RNF150: variants seen among roughly 807,000 people sequenced by gnomAD.
The protein encoded by RNF150 is ring finger protein 150.
RNF150 carries 24 observed loss-of-function variants against 39.3 expected under a neutral mutation model. The observed-to-expected ratio is 0.61, with a 90% CI of 0.44 to 0.86. The LOEUF (loss-of-function observed/expected upper bound fraction) is 0.86. RNF150 is among the 40% of genes least tolerant of loss of function. The pLI is 0.00. For missense variants in RNF150, 502 were observed against 587.8 expected, an observed-to-expected ratio of 0.85 and a Z score of 1.51; for synonymous variants, 255 against 227.3, an observed-to-expected ratio of 1.12 and a Z score of -1.10.
At chr4:140,884,888 G>T (rs1305271821) in intron 6 of RNF150, among the ~76,000 whole-genome samples, 1 of 152,124 alleles carries the variant, frequency 6.6e-6, no homozygotes, top group African/African-American at 2.4e-5. Flanking sequence ...TATACTAGAG[G>T]GGAGGGGCTC....
chr4:140,994,051 A>T (rs1734280993), intron 1 of RNF150, among the ~76,000 whole-genome samples: 1 of 152,210 alleles, frequency 6.6e-6, no homozygotes, highest in African/African-American at 2.4e-5. Context: ...AGCTTTCCAA[A>T]TAATTACCCA....
At chr4:141,019,072 A>G (rs1353291108) in intron 1 of RNF150, among the ~76,000 whole-genome samples, 1 of 137,844 alleles carries the variant, frequency 7.3e-6, no homozygotes, top group Non-Finnish European at 1.6e-5. Context: ...ATATATATAT[A>G]TATATATATG....
chr4:140,868,357 G>A lies in RNF150; in HGVS notation c.1221C>T (p.Ser407=). The A allele has an allele frequency of 6.2e-7, 1 of 1,612,016 alleles. No homozygotes were observed. The highest frequency in any genetic ancestry group is 8.5e-7 in the Non-Finnish European group (1 of 1,178,072). ...TTNSEQEPAV[S]SDSDISLIMA... Reference sequence around the variant, plus strand: ...TGATCAAGGAAATGTCAGAATCACTGCTTACAGCTGGCTCCTGCTCACCTG... The same window carrying A: ...TGATCAAGGAAATGTCAGAATCACTACTTACAGCTGGCTCCTGCTCACCTG... Residue 407 remains serine (S), a synonymous_variant, in exon 7 of 7, where the codon AGC becomes AGT. Coordinates refer to ENST00000515673, the MANE Select transcript of RNF150 (RefSeq NM_020724.2).
At chr4:141,042,570 C>T (rs1736412190) in intron 1 of RNF150, among the ~76,000 whole-genome samples, 1 of 151,896 alleles carries the variant, frequency 6.6e-6, no homozygotes, top group Non-Finnish European at 1.5e-5. Context: ...TCACTATGCC[C>T]CTAAACAAAC....
At chr4:141,154,870 A>G (rs1006333214) in intron 1 of RNF150, among the ~76,000 whole-genome samples, 5 of 152,192 alleles carry the variant, frequency 3.3e-5, no homozygotes, top group African/African-American at 1.2e-4. Flanking sequence ...CAGTAACCCT[A>G]AAGATGGGTA....
intron 1 of RNF150, among the ~76,000 whole-genome samples, chr4:141,042,011 A>T (rs9997052): frequency 0.57 from 87,177 of 151,756 alleles, 25,956 homozygotes; most frequent in Non-Finnish European, 0.67. Flanking sequence ...CACTGGGGCC[A>T]GTACTAGAAA....
intron 1 of RNF150, among the ~76,000 whole-genome samples, chr4:141,094,299 G>A (rs940762717): frequency 7.9e-5 from 12 of 152,316 alleles, no homozygotes; most frequent in Non-Finnish European, 7.3e-5. Flanking sequence ...GGAAGATATT[G>A]AAAGTAGCCA....
At chr4:140,912,978 A>AC (rs1723191557) in intron 5 of RNF150, among the ~76,000 whole-genome samples, 2 of 116,296 alleles carry the variant, frequency 1.7e-5, no homozygotes, top group African/African-American at 6.2e-5. Context: ...AAAAAAAAAA[A>AC]AAAAAACACC....
intron 1 of RNF150, among the ~76,000 whole-genome samples, chr4:141,117,007 G>C (rs1220849639): frequency 6.6e-6 from 1 of 152,036 alleles, no homozygotes; most frequent in African/African-American, 2.4e-5. Context: ...GGGGGGACTA[G>C]GGGAGGGGAG....
chr4:141,029,900 T>C (rs1203653498), intron 1 of RNF150, among the ~76,000 whole-genome samples: 3 of 152,058 alleles, frequency 2.0e-5, no homozygotes, highest in African/African-American at 4.8e-5. Context: ...CCAACATGCA[T>C]ATAAAGAGAT....
chr4:141,058,432 A>G (rs936354609), intron 1 of RNF150, among the ~76,000 whole-genome samples: 2 of 152,054 alleles, frequency 1.3e-5, no homozygotes, highest in Non-Finnish European at 2.9e-5. Context: ...GTACCCTTTG[A>G]TTTTTAGTCT....
At chr4:141,026,863 T>C (rs1426824800) in intron 1 of RNF150, among the ~76,000 whole-genome samples, 1 of 152,178 alleles carries the variant, frequency 6.6e-6, no homozygotes, top group Non-Finnish European at 1.5e-5. Flanking sequence ...TCTTTTAGGC[T>C]AAGAAGTTGC....
At chr4:140,941,065 AAAG>A (rs1427639943) in intron 4 of RNF150, among the ~76,000 whole-genome samples, 3 of 152,216 alleles carry the variant, frequency 2.0e-5, no homozygotes, top group African/African-American at 7.2e-5. Flanking sequence ...TGTAAAAGCA[AAAG>A]AAGAAAAAAA....
chr4:141,189,208 G>T (rs1728064452), intron 1 of RNF150, among the ~76,000 whole-genome samples: 1 of 152,176 alleles, frequency 6.6e-6, no homozygotes. Flanking sequence ...CACCCTGTTT[G>T]CCTGGGTATT....
At chr4:140,882,662 T>G (rs1729420670) in intron 6 of RNF150, among the ~76,000 whole-genome samples, 1 of 152,202 alleles carries the variant, frequency 6.6e-6, no homozygotes, top group Non-Finnish European at 1.5e-5. Flanking sequence ...AACCTTTTAA[T>G]CATTATATAA....
chr4:140,914,450 T>A (rs1263178431), intron 5 of RNF150, among the ~76,000 whole-genome samples: 1 of 152,248 alleles, frequency 6.6e-6, no homozygotes. Flanking sequence ...CAAGTTAGCA[T>A]GGGAAACCCC....
At chr4:141,038,709 CTT>C (rs1560703137) in intron 1 of RNF150, among the ~76,000 whole-genome samples, 1 of 151,996 alleles carries the variant, frequency 6.6e-6, no homozygotes, top group Non-Finnish European at 1.5e-5. Context: ...AAAAGAATCT[CTT>C]TCCCATTTTT....
At chr4:140,910,819 A>G (rs575148026) in intron 6 of RNF150, among the ~76,000 whole-genome samples, 1 of 152,054 alleles carries the variant, frequency 6.6e-6, no homozygotes, top group Non-Finnish European at 1.5e-5. Flanking sequence ...CCTGCCCTCC[A>G]GTCTGAGAGG....
chr4:141,013,392 T>A (rs1015572402), intron 1 of RNF150, among the ~76,000 whole-genome samples: 5 of 152,210 alleles, frequency 3.3e-5, no homozygotes, highest in African/African-American at 1.2e-4. Flanking sequence ...AATAGAAAGC[T>A]TTTTAAAAGA....
Sources: allele counts gnomAD v4.1 joint callset (sites outside exome capture counted in the v4.1 genomes callset), GRCh38; gene constraint gnomAD v4.1.1; transcripts MANE v1.5; gene names NCBI Gene and HGNC (gene_info 2026-07-23, HGNC 2026-07-21).